The following RNF180 variants were observed in gnomAD, a reference collection of about 807,000 sequenced individuals.
The protein encoded by RNF180 is ring finger protein 180.
Under a neutral mutation model 59.2 loss-of-function variants are expected in RNF180, and 38 were observed. That is an observed-to-expected ratio of 0.64 (90% CI 0.50 to 0.84). RNF180 has a LOEUF of 0.84. RNF180 is among the 40% of genes least tolerant of loss of function. RNF180 has a pLI of 0.00. For synonymous variants in RNF180, 262 were observed against 240.3 expected (o/e 1.09, Z -0.84); for missense variants, 705 against 700.9 (o/e 1.01, Z -0.07).
At chr5:64,367,366 A>G (rs1267842702) in intron 7 of RNF180, among the ~76,000 whole-genome samples, 2 of 151,686 alleles carry the variant, frequency 1.3e-5, no homozygotes, top group African/African-American at 4.8e-5. Context: ...AAAATATTAC[A>G]TATACTCCAT....
intron 5 of RNF180, among the ~76,000 whole-genome samples, chr5:64,281,076 G>C (rs554514494): frequency 1.1e-4 from 16 of 152,088 alleles, no homozygotes; most frequent in Non-Finnish European, 2.1e-4. Flanking sequence ...ATTGTGAATG[G>C]GATTGCATCC....
intron 7 of RNF180, among the ~76,000 whole-genome samples, chr5:64,354,230 A>G (rs552697427): frequency 2.0e-5 from 3 of 151,828 alleles, no homozygotes; most frequent in Non-Finnish European, 4.4e-5. Context: ...ACTGACAAAG[A>G]TAAAAGAGAG....
intron 5 of RNF180, among the ~76,000 whole-genome samples, chr5:64,322,549 A>G (rs1744411940): frequency 1.3e-5 from 2 of 151,638 alleles, no homozygotes; most frequent in Non-Finnish European, 2.9e-5. Flanking sequence ...GTTGGTGTAT[A>G]TGTGTGTATA....
intron 3 of RNF180, 32 bp from the exon 4 acceptor site, chr5:64,213,526 G>A: frequency 6.4e-7 from 1 of 1,552,204 alleles, no homozygotes; most frequent in Non-Finnish European, 8.7e-7. Flanking sequence ...TATAATGAAA[G>A]CACTGTCTTT....
At chr5:64,280,278 A>T (rs1477552197) in intron 5 of RNF180, among the ~76,000 whole-genome samples, 1 of 151,946 alleles carries the variant, frequency 6.6e-6, no homozygotes, top group African/African-American at 2.4e-5. Flanking sequence ...TGATTAGTCT[A>T]TTGATTGTTT....
chr5:64,257,339 C>T (rs371859215), intron 5 of RNF180, among the ~76,000 whole-genome samples: 2 of 152,076 alleles, frequency 1.3e-5, no homozygotes, highest in Non-Finnish European at 2.9e-5. Flanking sequence ...GGCTGTGGGT[C>T]TGTCATAAAT....
At chr5:64,311,741 C>T (rs1297929632) in intron 5 of RNF180, among the ~76,000 whole-genome samples, 1 of 151,930 alleles carries the variant, frequency 6.6e-6, no homozygotes, top group Non-Finnish European at 1.5e-5. Flanking sequence ...CGATTCCTAC[C>T]ATCTTCTACC....
chr5:64,228,167 A>G (rs1024629325), intron 5 of RNF180, among the ~76,000 whole-genome samples: 1 of 152,226 alleles, frequency 6.6e-6, no homozygotes. Context: ...TAGAAGCAAT[A>G]TAATAGTGTC....
chr5:64,366,183 A>ATTTG (rs1412317743), intron 7 of RNF180, among the ~76,000 whole-genome samples: 1 of 151,422 alleles, frequency 6.6e-6, no homozygotes, highest in East Asian at 1.9e-4. Flanking sequence ...TTCCCTCAGT[A>ATTTG]TTTGTTTGTC....
In RNF180 at chr5:64,371,212, A is replaced by C. The variant is rs956651913; in HGVS notation, c.*1398A>C. ...CAGAAAATAGTATACACTAGACATC[A>C]AATCCAGAAATCAGAACACTAAGTA... On this transcript the variant is annotated 3_prime_UTR_variant, in exon 8 of 8. Transcript: ENST00000389100. 5 of 151,656 alleles carry C rather than the reference A, an allele frequency of 3.3e-5. No homozygotes were observed. Among genetic ancestry groups the C allele is most frequent in the African/African-American group, 1.2e-4 (5 of 41,396 alleles). 9.4% of individuals were successfully genotyped at this position (151,656 alleles called of 1,614,324 possible).
intron 5 of RNF180, among the ~76,000 whole-genome samples, chr5:64,300,436 G>A (rs561703081): frequency 4.5e-4 from 68 of 151,800 alleles, no homozygotes; most frequent in African/African-American, 6.0e-4. Flanking sequence ...ATGATGGTTC[G>A]AATTACAATT....
At position 64,214,380 on chromosome 5, in the gene RNF180, C is replaced by T. The variant is rs1580017610; in HGVS notation, c.1054C>T (p.Leu352Phe). The T allele has an allele frequency of 3.5e-5, 56 of 1,614,042 alleles. No individual in the cohort carries two copies. Among genetic ancestry groups the T allele is most frequent in the Non-Finnish European group, 4.6e-5 (54 of 1,180,004 alleles). The change falls in exon 4 of 8, where the codon CTC becomes TTC. Residue 352 changes from leucine (L) to phenylalanine (F), a missense_variant. Coordinates refer to ENST00000389100, the MANE Select transcript of RNF180 (RefSeq NM_001113561.2). ...MPEASDQEEH[L>F]SPLDFLHSAN... ...GGAGGCCTCAGACCAGGAAGAGCACCTCTCCCCTCTGGACTTCCTGCACTC... is the reference window on the plus strand; with the variant it reads ...GGAGGCCTCAGACCAGGAAGAGCACTTCTCCCCTCTGGACTTCCTGCACTC...
At chr5:64,365,771 C>G (rs1333819138) in intron 7 of RNF180, among the ~76,000 whole-genome samples, 1 of 151,376 alleles carries the variant, frequency 6.6e-6, no homozygotes, top group Admixed American at 6.6e-5. Flanking sequence ...GGTTTAAAGT[C>G]TTTGTGAAAC....
chr5:64,344,381 A>G (rs1745472625), intron 7 of RNF180, among the ~76,000 whole-genome samples: 1 of 152,200 alleles, frequency 6.6e-6, no homozygotes, highest in African/African-American at 2.4e-5. Context: ...AGGCAATTCC[A>G]TAGGAAAACA....
At chr5:64,292,314 G>A (rs949969000) in intron 5 of RNF180, among the ~76,000 whole-genome samples, 2 of 152,062 alleles carry the variant, frequency 1.3e-5, no homozygotes, top group East Asian at 1.9e-4. Context: ...TGGGGTTTTG[G>A]GGGTCTTTTT....
intron 7 of RNF180, among the ~76,000 whole-genome samples, chr5:64,344,901 A>T (rs1745494189): frequency 6.6e-6 from 1 of 151,920 alleles, no homozygotes; most frequent in African/African-American, 2.4e-5. Flanking sequence ...GTCTTTATTT[A>T]TATGGATCCC....
chr5:64,354,615 A>C (rs1423276786), intron 7 of RNF180, among the ~76,000 whole-genome samples: 1 of 151,920 alleles, frequency 6.6e-6, no homozygotes, highest in East Asian at 1.9e-4. Flanking sequence ...ACACTACCTC[A>C]GTATGAAAGC....
At chr5:64,182,462 A>G (rs185886954) in intron 1 of RNF180, among the ~76,000 whole-genome samples, 101 of 152,318 alleles carry the variant, frequency 6.6e-4, no homozygotes, top group African/African-American at 2.3e-3. Context: ...GAAACATTCA[A>G]AGAAAACAAG....
At chr5:64,363,500 T>C (rs1196880130) in intron 7 of RNF180, among the ~76,000 whole-genome samples, 1 of 151,962 alleles carries the variant, frequency 6.6e-6, no homozygotes, top group Non-Finnish European at 1.5e-5. Flanking sequence ...CCCTGTAGTA[T>C]AGTTTGAAGG....
Sources: allele counts gnomAD v4.1 joint callset (sites outside exome capture counted in the v4.1 genomes callset), GRCh38; gene constraint gnomAD v4.1.1; transcripts MANE v1.5; gene names NCBI Gene and HGNC (gene_info 2026-07-23, HGNC 2026-07-21).